The following SLC39A8 variants were observed in gnomAD, a reference collection of about 807,000 sequenced individuals.
SLC39A8 encodes metal cation symporter ZIP8.
Under a neutral mutation model 40.4 loss-of-function variants are expected in SLC39A8, and 15 were observed. That is an observed-to-expected ratio of 0.37 (90% CI 0.25 to 0.57). The LOEUF (loss-of-function observed/expected upper bound fraction) is 0.57. Among genes scored for constraint, SLC39A8 ranks in the 20% least tolerant of loss-of-function variants. The pLI, the probability that SLC39A8 is intolerant of heterozygous loss-of-function variation, is 0.75. For synonymous variants in SLC39A8, 223 were observed against 221.6 expected (o/e 1.01, Z -0.06); for missense variants, 472 against 558.8 (o/e 0.84, Z 1.57).
chr4:102,343,128 G>A (rs1230642770), intron 2 of SLC39A8, among the ~76,000 whole-genome samples: 3 of 152,058 alleles, frequency 2.0e-5, no homozygotes, highest in Non-Finnish European at 4.4e-5. Context: ...GCCCAGAACT[G>A]GAATTATAGA....
intron 2 of SLC39A8, among the ~76,000 whole-genome samples, chr4:102,320,784 GA>G (rs963843051): frequency 2.8e-5 from 4 of 141,474 alleles, no homozygotes; most frequent in Non-Finnish European, 3.1e-5. Context: ...ATATATATGA[GA>G]AAAAATATAT....
At chr4:102,278,344 T>G (rs1732715432) in intron 6 of SLC39A8, among the ~76,000 whole-genome samples, 1 of 152,184 alleles carries the variant, frequency 6.6e-6, no homozygotes, top group Non-Finnish European at 1.5e-5. Flanking sequence ...AACAGACACT[T>G]TTCAAAAGAA....
intron 2 of SLC39A8, among the ~76,000 whole-genome samples, chr4:102,321,479 G>C (rs1022203991): frequency 2.0e-5 from 3 of 152,230 alleles, no homozygotes; most frequent in Admixed American, 1.3e-4. Flanking sequence ...TGTGAGATGG[G>C]GGCCTGTTAG....
At chr4:102,308,730 C>T (rs1396947307) in intron 3 of SLC39A8, among the ~76,000 whole-genome samples, 1 of 152,080 alleles carries the variant, frequency 6.6e-6, no homozygotes, top group Non-Finnish European at 1.5e-5. Context: ...AAATGGTGGG[C>T]CACTTTTCTC....
intron 6 of SLC39A8, among the ~76,000 whole-genome samples, chr4:102,295,033 T>A (rs1733622712): frequency 6.6e-6 from 1 of 151,158 alleles, no homozygotes; most frequent in Non-Finnish European, 1.5e-5. Flanking sequence ...TTGTTGTTAT[T>A]CAGCAAAATT....
chr4:102,287,363 T>C (rs1216346734), intron 6 of SLC39A8, among the ~76,000 whole-genome samples: 1 of 152,116 alleles, frequency 6.6e-6, no homozygotes, highest in Non-Finnish European at 1.5e-5. Context: ...AATTAGAAAA[T>C]GACAAATGTT....
chr4:102,307,702 T>G, intron 3 of SLC39A8, 97 bp from the exon 4 acceptor site: 2 of 1,189,358 alleles, frequency 1.7e-6, no homozygotes. Context: ...TTTAAAAGCT[T>G]AAGACACATA....
chr4:102,253,449 G>A, intron 11 of SLC39A8: 1 of 714,298 alleles, frequency 1.4e-6, no homozygotes, highest in Non-Finnish European at 2.6e-6. Context: ...CAAAGAGAAG[G>A]AACATAGTAA....
At chr4:102,343,027 A>T (rs1019267224) in intron 2 of SLC39A8, among the ~76,000 whole-genome samples, 1 of 152,158 alleles carries the variant, frequency 6.6e-6, no homozygotes, top group Non-Finnish European at 1.5e-5. Flanking sequence ...GCCAGCAAAC[A>T]CTTTATTTTC....
chr4:102,287,312 TA>T (rs1733227740), intron 6 of SLC39A8, among the ~76,000 whole-genome samples: 1 of 152,118 alleles, frequency 6.6e-6, no homozygotes, highest in Admixed American at 6.6e-5. Context: ...AGGGAATGAT[TA>T]AAAACCATTG....
At chr4:102,304,904 A>G in intron 5 of SLC39A8, 85 bp downstream of exon 5, 1 of 1,243,546 alleles carries the variant, frequency 8.0e-7, no homozygotes. Flanking sequence ...TCATAATTCT[A>G]AAAATAAAAT....
chr4:102,271,031 A>G (rs562729642), intron 6 of SLC39A8, among the ~76,000 whole-genome samples: 23 of 152,104 alleles, frequency 1.5e-4, no homozygotes, highest in Admixed American at 1.4e-3. Context: ...TAGCATGAGG[A>G]GGAGGAGGAG....
At chr4:102,338,320 G>A (rs901307631) in intron 2 of SLC39A8, among the ~76,000 whole-genome samples, 2 of 151,602 alleles carry the variant, frequency 1.3e-5, no homozygotes, top group Admixed American at 6.6e-5. Context: ...CTGAGTAGCT[G>A]GGACTACAGG....
At chr4:102,311,531 C>T (rs1250196006) in intron 3 of SLC39A8, among the ~76,000 whole-genome samples, 1 of 152,002 alleles carries the variant, frequency 6.6e-6, no homozygotes, top group Non-Finnish European at 1.5e-5. Context: ...ATATGATCTC[C>T]AAGGATGCTT....
At chr4:102,338,223 G>A (rs1392770906) in intron 2 of SLC39A8, among the ~76,000 whole-genome samples, 6 of 106,688 alleles carry the variant, frequency 5.6e-5, no homozygotes, top group African/African-American at 2.2e-4. Flanking sequence ...GTCTTACTTT[G>A]TCACCCAGGC....
intron 2 of SLC39A8, among the ~76,000 whole-genome samples, chr4:102,320,185 A>G (rs868090977): frequency 0.035 from 3,312 of 93,992 alleles, 50 homozygotes; most frequent in Non-Finnish European, 0.05. Flanking sequence ...ATATATATAT[A>G]TATATGTATA....
chr4:102,311,507 T>C (rs548237188), intron 3 of SLC39A8, among the ~76,000 whole-genome samples: 177 of 152,234 alleles, frequency 1.2e-3, no homozygotes, highest in Non-Finnish European at 1.6e-3. Flanking sequence ...CTAGTTGTAT[T>C]ACAGAGTTGG....
intron 2 of SLC39A8, among the ~76,000 whole-genome samples, chr4:102,323,185 T>C (rs1578616137): frequency 1.3e-5 from 2 of 152,222 alleles, no homozygotes; most frequent in South Asian, 4.1e-4. Context: ...TCTGCTCTTA[T>C]AGAAGCCCAT....
At chr4:102,282,356 A>G (rs965102077) in intron 6 of SLC39A8, among the ~76,000 whole-genome samples, 1 of 152,230 alleles carries the variant, frequency 6.6e-6, no homozygotes, top group African/African-American at 2.4e-5. Flanking sequence ...CAGTCTTTCC[A>G]AAGAGCAAAC....
Sources: allele counts gnomAD v4.1 joint callset (sites outside exome capture counted in the v4.1 genomes callset), GRCh38; gene constraint gnomAD v4.1.1; transcripts MANE v1.5; gene names NCBI Gene and HGNC (gene_info 2026-07-23, HGNC 2026-07-21).